Variants in CCDC171 observed in about 807,000 individuals in gnomAD.
CCDC171 encodes the protein coiled-coil domain containing 171.
A neutral mutation model predicts 168.2 loss-of-function variants in CCDC171; 177 were observed. The ratio of observed to expected loss-of-function variants is 1.05; its 90% confidence interval spans 0.93 to 1.19. The LOEUF (loss-of-function observed/expected upper bound fraction) is 1.19, where lower values mean the gene tolerates loss of function less well. Ranked by LOEUF, CCDC171 falls within the 50% of genes most tolerant of loss-of-function variation. The probability of loss-of-function intolerance (pLI) is 0.00; values close to 1 mark genes in which losing one functional copy is unlikely to be tolerated. For synonymous variants in CCDC171, 687 were observed against 540.8 expected, an observed-to-expected ratio of 1.27 and a Z score of -3.75; for missense variants, 1,991 against 1,539.0, an observed-to-expected ratio of 1.29 and a Z score of -4.91.
At chr9:15,826,150 C>T (rs1412809731) in intron 21 of CCDC171, among the ~76,000 whole-genome samples, 3 of 151,884 alleles carry the variant, frequency 2.0e-5, no homozygotes, top group African/African-American at 4.8e-5. Flanking sequence ...CTAAGAATTG[C>T]TTTTAATTTC....
At chr9:15,637,482 A>G (rs2046286858) in intron 7 of CCDC171, among the ~76,000 whole-genome samples, 1 of 151,100 alleles carries the variant, frequency 6.6e-6, no homozygotes, top group African/African-American at 2.4e-5. Context: ...TATTATTATT[A>G]TTATACTTTA....
At chr9:15,780,514 C>G (rs2057609342) in intron 20 of CCDC171, among the ~76,000 whole-genome samples, 1 of 151,694 alleles carries the variant, frequency 6.6e-6, no homozygotes, top group African/African-American at 2.4e-5. Flanking sequence ...GAGACCGCAT[C>G]TCTAAAAAAA....
At chr9:16,099,446 A>T in the CCDC171 span, among the ~76,000 whole-genome samples, 1 of 152,250 alleles carries the variant, frequency 6.6e-6, no homozygotes, top group Non-Finnish European at 1.5e-5. Context: ...GCAGGTGAAG[A>T]AGCACAAGGG....
At chr9:15,720,055 T>C (rs1166983960) in intron 11 of CCDC171, among the ~76,000 whole-genome samples, 1 of 152,212 alleles carries the variant, frequency 6.6e-6, no homozygotes, top group Non-Finnish European at 1.5e-5. Context: ...TGTTTCCACA[T>C]TACTTTTGGT....
intron 6 of CCDC171, among the ~76,000 whole-genome samples, chr9:15,599,453 C>A (rs2042653588): frequency 6.6e-6 from 1 of 152,120 alleles, no homozygotes; most frequent in Non-Finnish European, 1.5e-5. Flanking sequence ...AAATTCTTTT[C>A]TTCAAGAATG....
intron 6 of CCDC171, among the ~76,000 whole-genome samples, chr9:15,613,251 C>A (rs7046147): frequency 0.013 from 2,043 of 152,198 alleles, 42 homozygotes; most frequent in African/African-American, 0.046. Context: ...ATCTTAGTGG[C>A]ATGAAATAGA....
At chr9:15,574,512 C>G (rs1180732905) in intron 3 of CCDC171, among the ~76,000 whole-genome samples, 1 of 152,120 alleles carries the variant, frequency 6.6e-6, no homozygotes, top group African/African-American at 2.4e-5. Context: ...CTCCTGACCT[C>G]AAGTGATCCA....
At chr9:15,598,003 A>AT (rs2042513548) in intron 6 of CCDC171, among the ~76,000 whole-genome samples, 1 of 151,794 alleles carries the variant, frequency 6.6e-6, no homozygotes, top group Non-Finnish European at 1.5e-5. Context: ...CCCCTTTATG[A>AT]TTTTTTATTG....
rs116356317 is a variant in CCDC171, at chr9:15,847,149, T to C, written c.3413+302T>C. The stretch of plus-strand genomic sequence containing the variant: ...TTTATTAATGTGAAATGTAAGACTC[T>C]AAAAGTTTTGCATAGTATCTTCTGT... On this transcript the variant is annotated intron_variant, in intron 22 of 25. Transcript: ENST00000380701. 9.6e-3 allele frequency among the ~76,000 whole-genome samples: 1,455 copies of C among 152,186 alleles called. 24 individuals are homozygous for C. Among genetic ancestry groups the C allele is most frequent in the African/African-American group, 0.033 (1,388 of 41,548 alleles).
At chr9:15,909,631 A>G (rs1354266467) in intron 24 of CCDC171, among the ~76,000 whole-genome samples, 1 of 152,174 alleles carries the variant, frequency 6.6e-6, no homozygotes, top group African/African-American at 2.4e-5. Context: ...TTTGCGTGCT[A>G]TTAGTAATAG....
intron 1 of CCDC171, among the ~76,000 whole-genome samples, chr9:15,563,438 C>G (rs1048098396): frequency 6.6e-6 from 1 of 152,094 alleles, no homozygotes; most frequent in Non-Finnish European, 1.5e-5. Flanking sequence ...GCACCCGGCT[C>G]AAGTTACTTT....
chr9:15,791,029 G>A (rs372004106), intron 21 of CCDC171, among the ~76,000 whole-genome samples: 11 of 152,258 alleles, frequency 7.2e-5, no homozygotes, highest in South Asian at 4.2e-4. Flanking sequence ...GTCAGGTAGC[G>A]TGATGCCTCC....
intron 6 of CCDC171, among the ~76,000 whole-genome samples, chr9:15,606,905 CACACACAG>C (rs2043270630): frequency 6.6e-6 from 1 of 152,144 alleles, no homozygotes; most frequent in Admixed American, 6.5e-5. Flanking sequence ...TTTTATTTCA[CACACACAG>C]ACACACATAA....
upstream of CCDC171, among the ~76,000 whole-genome samples, chr9:16,041,087 G>C (rs1403570258): frequency 2.6e-5 from 4 of 152,156 alleles, no homozygotes; most frequent in African/African-American, 9.7e-5. Context: ...AATATGACAA[G>C]GAAAGATGTT....
intron 6 of CCDC171, among the ~76,000 whole-genome samples, chr9:15,616,335 C>A (rs1396655520): frequency 6.6e-6 from 1 of 152,032 alleles, no homozygotes; most frequent in Non-Finnish European, 1.5e-5. Flanking sequence ...ATCTACCCAC[C>A]TTGGCCTCAA....
rs1554714957 is a variant in CCDC171 at position 15,623,475 on chromosome 9, GCACACACACACA to G, written c.822+83_822+94del. ...CAAACTTTCACATATGCGCGCGCGC[GCACACACACACA>G]CACACACACACACACACACATAAAA... On this transcript the variant is annotated intron_variant, in intron 7 of 25. Transcript: ENST00000380701. 27 of 311,458 alleles carry G rather than the reference GCACACACACACA, an allele frequency of 8.7e-5. 2 individuals are homozygous for G. The highest frequency in any genetic ancestry group is 3.4e-4 in the South Asian group (6 of 17,404). The allele number at this position is 311,458 out of a possible 1,614,324, so 19.3% of individuals were successfully genotyped here.
chr9:15,888,045 T>C (rs1001569020), intron 24 of CCDC171: 1 of 152,264 alleles, frequency 6.6e-6, no homozygotes, highest in Non-Finnish European at 1.5e-5. Context: ...TAGGAGACTG[T>C]GCAGCGTGAC....
At chr9:15,868,559 T>C (rs78823430) in intron 23 of CCDC171, among the ~76,000 whole-genome samples, 4,197 of 151,816 alleles carry the variant, frequency 0.028, 204 homozygotes, top group African/African-American at 0.096. Context: ...AAGGAAACTA[T>C]TGAGGAAAAT....
chr9:16,006,920 G>A (rs142667797), intron 3 of CCDC171, among the ~76,000 whole-genome samples: 5,242 of 152,288 alleles, frequency 0.034, 316 homozygotes, highest in African/African-American at 0.12. Context: ...ATAGCAGCAT[G>A]ATTTATAGTC....
Sources: gnomAD v4.1 joint callset for allele counts (sites outside exome capture counted in the v4.1 genomes callset) on GRCh38, gnomAD v4.1.1 for gene constraint, MANE v1.5 for transcripts, NCBI Gene and HGNC (gene_info 2026-07-23, HGNC 2026-07-21) for gene names.